The following MYZAP variants were observed in gnomAD, a reference collection of about 807,000 sequenced individuals.
MYZAP encodes GRINL1A complex locus upstream.
MYZAP carries 66 observed loss-of-function variants against 69.4 expected under a neutral mutation model. The observed-to-expected ratio is 0.95, with a 90% CI of 0.78 to 1.17. The LOEUF (loss-of-function observed/expected upper bound fraction) is 1.17, where lower values mean the gene tolerates loss of function less well. Ranked by LOEUF, MYZAP falls within the 50% of genes most tolerant of loss-of-function variation. MYZAP has a pLI of 0.00. For synonymous variants in MYZAP, 256 were observed against 205.9 expected (o/e 1.24, Z -2.09); for missense variants, 611 against 556.2 (o/e 1.10, Z -0.99).
chr15:57,653,128 G>T (rs1260400803), intron 10 of MYZAP, among the ~76,000 whole-genome samples: 1 of 152,076 alleles, frequency 6.6e-6, no homozygotes, highest in Non-Finnish European at 1.5e-5. Context: ...GGGAGCTTTG[G>T]TGTATTTATT....
intron 10 of MYZAP, chr15:57,646,367 A>G (rs373794752): frequency 1.7e-6 from 2 of 1,179,026 alleles, no homozygotes. Context: ...TTGTTTGTGA[A>G]AACACCCACA....
chr15:57,627,514 T>C (rs1415725328), intron 5 of MYZAP, among the ~76,000 whole-genome samples: 2 of 151,984 alleles, frequency 1.3e-5, no homozygotes, highest in African/African-American at 4.8e-5. Context: ...TAGGCACTGA[T>C]GCTGAGGACC....
At chr15:57,628,107 C>T (rs1442647385) in intron 5 of MYZAP, among the ~76,000 whole-genome samples, 1 of 152,156 alleles carries the variant, frequency 6.6e-6, no homozygotes, top group Non-Finnish European at 1.5e-5. Flanking sequence ...CAGTGCCCAA[C>T]ACCAGGGTTT....
At chr15:57,599,192 G>A (rs1256282405) in intron 1 of MYZAP, among the ~76,000 whole-genome samples, 1 of 152,178 alleles carries the variant, frequency 6.6e-6, no homozygotes, top group Non-Finnish European at 1.5e-5. Flanking sequence ...CTCAAAGCTA[G>A]TAGGTGTCAG....
intron 10 of MYZAP, among the ~76,000 whole-genome samples, chr15:57,661,032 C>T (rs890148916): frequency 2.6e-5 from 4 of 152,042 alleles, no homozygotes; most frequent in Non-Finnish European, 5.9e-5. Flanking sequence ...TGCAGGCTGC[C>T]CTGCAAATTC....
chr15:57,663,089 A>C (rs936790901), intron 11 of MYZAP, among the ~76,000 whole-genome samples: 14 of 152,158 alleles, frequency 9.2e-5, no homozygotes. Flanking sequence ...CACCTTCCCC[A>C]GTAAGAGTCA....
At chr15:57,606,152 A>G (rs1352694304) in intron 2 of MYZAP, among the ~76,000 whole-genome samples, 4 of 152,324 alleles carry the variant, frequency 2.6e-5, no homozygotes, top group South Asian at 4.1e-4. Flanking sequence ...ACCCCAGCGG[A>G]TTACTGATTC....
chr15:57,678,362 C>T (rs926162306), intron 12 of MYZAP, among the ~76,000 whole-genome samples: 6 of 152,052 alleles, frequency 3.9e-5, no homozygotes, highest in East Asian at 1.9e-4. Flanking sequence ...AATGAGACCC[C>T]GTCTCAAATA....
chr15:57,640,412 C>G (rs1209172382), intron 10 of MYZAP, among the ~76,000 whole-genome samples: 1 of 151,802 alleles, frequency 6.6e-6, no homozygotes, highest in Admixed American at 6.6e-5. Context: ...ATTCTCTAAC[C>G]TGCAAAGAAA....
chr15:57,679,441 C>T (rs1280118779), intron 12 of MYZAP, among the ~76,000 whole-genome samples: 2 of 151,508 alleles, frequency 1.3e-5, no homozygotes, highest in African/African-American at 4.9e-5. Flanking sequence ...GGATTTTCAT[C>T]TCTTTCACTA....
At chr15:57,669,455 T>G (rs2038766017) in intron 11 of MYZAP, among the ~76,000 whole-genome samples, 1 of 152,172 alleles carries the variant, frequency 6.6e-6, no homozygotes, top group African/African-American at 2.4e-5. Flanking sequence ...TCTCTTTAAT[T>G]TCTGATATTA....
At chr15:57,595,654 C>T (rs182293670) in intron 1 of MYZAP, among the ~76,000 whole-genome samples, 2 of 152,232 alleles carry the variant, frequency 1.3e-5, no homozygotes, top group African/African-American at 4.8e-5. Flanking sequence ...TGATCCTGGG[C>T]TGTGGAATGA....
chr15:57,673,562 GTGATAGA>G (rs1311655804), intron 11 of MYZAP, among the ~76,000 whole-genome samples: 4 of 151,096 alleles, frequency 2.6e-5, no homozygotes, highest in Admixed American at 6.6e-5. Flanking sequence ...TGGGGATGAG[GTGATAGA>G]TTCAGAACCC....
intron 1 of MYZAP, among the ~76,000 whole-genome samples, chr15:57,593,142 G>T (rs936059140): frequency 1.5e-5 from 1 of 66,106 alleles, no homozygotes; most frequent in Admixed American, 1.6e-4. Flanking sequence ...ATTCTGGGGT[G>T]TGTGTGTGCG....
intron 11 of MYZAP, among the ~76,000 whole-genome samples, chr15:57,663,782 A>G (rs2038430363): frequency 6.6e-6 from 1 of 152,182 alleles, no homozygotes; most frequent in Non-Finnish European, 1.5e-5. Context: ...TGGCAGTGTC[A>G]GCTATGTCTA....
intron 1 of MYZAP, among the ~76,000 whole-genome samples, chr15:57,595,696 G>C (rs1283396853): frequency 6.6e-6 from 1 of 152,154 alleles, no homozygotes; most frequent in East Asian, 1.9e-4. Context: ...CCAGCACCTT[G>C]CTCTCTTGAT....
At chr15:57,623,791 C>A (rs1595879624) in intron 4 of MYZAP, among the ~76,000 whole-genome samples, 3 of 138,478 alleles carry the variant, frequency 2.2e-5, no homozygotes, top group Admixed American at 7.3e-5. Context: ...AGAATATATG[C>A]AGTTGTAAAT....
At chr15:57,643,282 A>T (rs2470356) in intron 10 of MYZAP, among the ~76,000 whole-genome samples, 54,604 of 152,166 alleles carry the variant, frequency 0.36, 10,252 homozygotes, top group Non-Finnish European at 0.41. Context: ...TGGGGAGTCA[A>T]GCAGACATGG....
At chr15:57,677,008 A>T (rs1450379511) in intron 12 of MYZAP, among the ~76,000 whole-genome samples, 1 of 152,246 alleles carries the variant, frequency 6.6e-6, no homozygotes, top group Non-Finnish European at 1.5e-5. Context: ...AAGGCAGAAT[A>T]ATATTTCATT....
Sources: allele counts gnomAD v4.1 joint callset (sites outside exome capture counted in the v4.1 genomes callset), GRCh38; gene constraint gnomAD v4.1.1; transcripts MANE v1.5; gene names NCBI Gene and HGNC (gene_info 2026-07-23, HGNC 2026-07-21).